Variants in JAKMIP3 observed in about 807,000 individuals in gnomAD.
JAKMIP3 encodes Janus kinase and microtubule interacting protein 3.
Under a neutral mutation model 118.5 loss-of-function variants are expected in JAKMIP3, and 58 were observed. The ratio of observed to expected loss-of-function variants is 0.49; its 90% CI spans 0.40 to 0.61. JAKMIP3 has a LOEUF of 0.61. Among genes scored for constraint, JAKMIP3 ranks in the 20% least tolerant of loss-of-function variants. The pLI is 0.00. For synonymous variants in JAKMIP3, 486 were observed against 451.2 expected, an observed-to-expected ratio of 1.08 and a Z score of -0.98; for missense variants, 950 against 1,109.0, an observed-to-expected ratio of 0.86 and a Z score of 2.04.
chr10:132,167,847 T>A, intron 22 of JAKMIP3, 106 bp from the exon 23 acceptor site: 20 of 729,340 alleles, frequency 2.7e-5, no homozygotes, highest in Middle Eastern at 3.4e-4. Flanking sequence ...CCCTCGCCCC[T>A]CGCCCCTCAC....
Position 132,130,102 on chromosome 10 carries a change from C to G in JAKMIP3, c.634-3210C>G, listed in dbSNP as rs988687079. Among the ~76,000 whole-genome samples, 4 of 152,192 alleles carry G rather than the reference C, an allele frequency of 2.6e-5. No individual in the cohort carries two copies. The South Asian group carries it at 6.2e-4, about 24-fold the overall frequency. On this transcript the variant is annotated intron_variant, in intron 3 of 23. Transcript: ENST00000684848. Reference sequence around the variant, plus strand: ...TGGGCTCCTAAAATGTCACATTTCCCCCTCATCATACAAGCTCTCCTACCC... The same window carrying G: ...TGGGCTCCTAAAATGTCACATTTCCGCCTCATCATACAAGCTCTCCTACCC...
intron 21 of JAKMIP3, among the ~76,000 whole-genome samples, 170 bp downstream of exon 21, chr10:132,164,905 G>A (rs2058738263): frequency 6.6e-6 from 1 of 151,578 alleles, no homozygotes; most frequent in Non-Finnish European, 1.5e-5. Flanking sequence ...AGCTGAGCTG[G>A]GCGGAGCTGA....
chr10:132,150,673 C>T (rs1455963372), intron 16 of JAKMIP3, among the ~76,000 whole-genome samples: 1 of 152,054 alleles, frequency 6.6e-6, no homozygotes. Flanking sequence ...TATCCATCCT[C>T]CACAATTCAT....
chr10:132,145,145 G>A lies in JAKMIP3; in HGVS notation c.1641G>A (p.Gln547=). 1 of 1,612,540 alleles carries A rather than the reference G, an allele frequency of 6.2e-7. No individual in the cohort carries two copies. The highest frequency in any genetic ancestry group is 1.1e-5 in the South Asian group (1 of 90,940). Reference sequence around the variant, plus strand: ...TACAAGCCGAAGTGCAGAGGGCACAGGCGCGGATAGAGGACCTGGAGAAGG... The same window carrying A: ...TACAAGCCGAAGTGCAGAGGGCACAAGCGCGGATAGAGGACCTGGAGAAGG... ...EQLQAEVQRA[Q]ARIEDLEKAL... The change falls in exon 12 of 24, where the codon CAG becomes CAA. Residue 547 remains glutamine, a synonymous_variant. Transcript: ENST00000684848.
At chr10:132,084,275 A>C (rs892289916) in intron 1 of JAKMIP3, among the ~76,000 whole-genome samples, 1 of 152,124 alleles carries the variant, frequency 6.6e-6, no homozygotes, top group Non-Finnish European at 1.5e-5. Flanking sequence ...GTGTATTCCT[A>C]AGTATTTTAT....
At chr10:132,146,129 G>GCCTCCA (rs1554949601) in intron 13 of JAKMIP3, among the ~76,000 whole-genome samples, 3 of 99,980 alleles carry the variant, frequency 3.0e-5, no homozygotes, top group African/African-American at 1.2e-4. Flanking sequence ...GTGCTGCCCC[G>GCCTCCA]CCCCCACCCC....
rs1297219291 is a variant in JAKMIP3, at chr10:132,112,623, G to A, written c.136-4454G>A. On this transcript the variant is annotated intron_variant, in intron 2 of 23. Coordinates refer to ENST00000684848, the MANE Select transcript of JAKMIP3 (RefSeq NM_001323087.2). This position sits in a 1 kb window ranked among gnomAD's most constrained non-coding sequence, Gnocchi z 4.3. ...GTCTTGCATTTTAAAGAAGTCTCCT[G>A]CCTTCCCCTGGGGACTGTCTGCTTA... Among the ~76,000 whole-genome samples the A allele has an allele frequency of 6.6e-6, 1 of 152,166 alleles. No individual in the cohort carries two copies. Among genetic ancestry groups the A allele is most frequent in the Non-Finnish European group, 1.5e-5 (1 of 68,020 alleles).
intron 23 of JAKMIP3, among the ~76,000 whole-genome samples, 200 bp downstream of exon 23, chr10:132,169,233 G>A (rs867119398): frequency 4.6e-5 from 7 of 152,180 alleles, no homozygotes; most frequent in Middle Eastern, 3.2e-3. Flanking sequence ...GTGAGCTGTC[G>A]CTGGGGCAGG....
chr10:132,122,739 G>GGGCAGGGCTGGGCAC (rs1415819788), intron 3 of JAKMIP3, among the ~76,000 whole-genome samples: 1 of 152,206 alleles, frequency 6.6e-6, no homozygotes, highest in East Asian at 1.9e-4. Context: ...GCTGCTGCCA[G>GGGCAGGGCTGGGCAC]GGCAGGGCTG....
intron 1 of JAKMIP3, among the ~76,000 whole-genome samples, chr10:132,069,715 GGAA>G (rs2039517593): frequency 6.6e-6 from 1 of 152,226 alleles, no homozygotes; most frequent in Non-Finnish European, 1.5e-5. Context: ...TCTCAGAGTG[GGAA>G]GAAGAGGAAA....
intron 1 of JAKMIP3, among the ~76,000 whole-genome samples, chr10:132,069,613 G>A (rs923252144): frequency 2.0e-5 from 3 of 151,444 alleles, no homozygotes; most frequent in Admixed American, 2.0e-4. Context: ...TCAACCTCCT[G>A]TTGTGTCCAG....
chr10:132,157,783 T>G (rs1040990905), intron 19 of JAKMIP3, among the ~76,000 whole-genome samples: 2 of 151,560 alleles, frequency 1.3e-5, no homozygotes, highest in Non-Finnish European at 2.9e-5. Context: ...CCATTGCAAA[T>G]ATTTCCTTTA....
chr10:132,143,171 G>T (rs2637624), intron 11 of JAKMIP3, among the ~76,000 whole-genome samples: 1 of 151,062 alleles, frequency 6.6e-6, no homozygotes, highest in Non-Finnish European at 1.5e-5. Context: ...CTTGGAGGGG[G>T]CGTCCCCTCC....
chr10:132,155,314 C>G (rs2056962270), intron 19 of JAKMIP3, among the ~76,000 whole-genome samples: 1 of 152,128 alleles, frequency 6.6e-6, no homozygotes, highest in African/African-American at 2.4e-5. Flanking sequence ...AGGCACTGGT[C>G]TGGCCAGCCA....
intron 1 of JAKMIP3, among the ~76,000 whole-genome samples, chr10:132,093,734 A>C (rs2043432214): frequency 6.6e-6 from 1 of 151,982 alleles, no homozygotes; most frequent in Non-Finnish European, 1.5e-5. Context: ...GGTGGGCTGC[A>C]CCCACTGTCC....
At chr10:132,059,593 G>A (rs1025215843) in intron 1 of JAKMIP3, among the ~76,000 whole-genome samples, 16 of 152,316 alleles carry the variant, frequency 1.1e-4, no homozygotes, top group Middle Eastern at 3.4e-3. Context: ...TGCCGAGGCC[G>A]ACCCCTCAGG....
chr10:132,154,769 A>G (rs907410157), intron 19 of JAKMIP3, among the ~76,000 whole-genome samples: 2 of 151,858 alleles, frequency 1.3e-5, no homozygotes, highest in Non-Finnish European at 2.9e-5. Context: ...TCTCAGAGTG[A>G]TAGTGATGAT....
At position 132,148,004 on chromosome 10, in the gene JAKMIP3, C is replaced by G; in HGVS notation, c.1802C>G (p.Ala601Gly). 2 of 1,611,020 alleles carry G rather than the reference C, an allele frequency of 1.2e-6. No individual in the cohort carries two copies. The highest frequency in any genetic ancestry group is 2.2e-5 in the South Asian group (2 of 90,762). The change falls in exon 14 of 24, where the codon GCC (alanine) becomes GGC (glycine). Residue 601 changes from alanine (A) to glycine (G), a missense_variant. Coordinates refer to ENST00000684848, the MANE Select transcript of JAKMIP3 (RefSeq NM_001323087.2). ...EARLRHEVQD[A>G]RDQNELLEFR... ...CGGCTCAGACACGAGGTGCAGGACG[C>G]CAGAGACCAAAACGAGCTGCTGGAG...
rs1450668262 is a variant in JAKMIP3, at chr10:132,184,657, A to G, written c.*3404A>G. 2 of 152,214 alleles carry G rather than the reference A, an allele frequency of 1.3e-5. No individual in the cohort carries two copies. Among genetic ancestry groups the G allele is most frequent in the African/African-American group, 4.8e-5 (2 of 41,436 alleles). 9.4% of individuals were successfully genotyped at this position (152,214 alleles called of 1,614,324 possible). A position where few individuals can be genotyped will look rare whatever the true frequency, so the allele number is the denominator to read the frequency against. ...ACCACGTGACATTCCGTTCCATGCTAAGCAGTATTCACAGGCCTAAAATAG... is the reference window on the plus strand; with the variant it reads ...ACCACGTGACATTCCGTTCCATGCTGAGCAGTATTCACAGGCCTAAAATAG... On this transcript the variant is annotated 3_prime_UTR_variant, in exon 24 of 24. Coordinates refer to ENST00000684848, the MANE Select transcript of JAKMIP3 (RefSeq NM_001323087.2).
Sources: gnomAD v4.1 joint callset for allele counts (sites outside exome capture counted in the v4.1 genomes callset) on GRCh38, gnomAD v4.1.1 for gene constraint, Gnocchi (gnomAD v3.1) non-coding constraint, MANE v1.5 for transcripts, NCBI Gene and HGNC (gene_info 2026-07-23, HGNC 2026-07-21) for gene names.